Variants in MAP3K5 observed in about 807,000 individuals in gnomAD.
MAP3K5 encodes the protein mitogen-activated protein kinase kinase kinase 5, also known as ASK-1.
MAP3K5 carries 56 observed loss-of-function variants against 158.7 expected under a neutral mutation model. That is an observed-to-expected ratio of 0.35 (90% CI 0.28 to 0.44). The LOEUF (loss-of-function observed/expected upper bound fraction) is 0.44, where lower values mean the gene tolerates loss of function less well. MAP3K5 is among the 20% of genes least tolerant of loss of function. The pLI, the probability that MAP3K5 is intolerant of heterozygous loss-of-function variation, is 1.00. For missense variants in MAP3K5, 1,294 were observed against 1,674.8 expected, an observed-to-expected ratio of 0.77 and a Z score of 3.97; for synonymous variants, 579 against 601.7, an observed-to-expected ratio of 0.96 and a Z score of 0.55.
chr6:136,786,472 C>T (rs185754219), intron 1 of MAP3K5, among the ~76,000 whole-genome samples: 6 of 151,952 alleles, frequency 3.9e-5, no homozygotes, highest in African/African-American at 9.6e-5. Context: ...CATCTCTTAG[C>T]TTTTACGGAA....
At position 136,601,908 on chromosome 6, in the gene MAP3K5, T is replaced by G. The variant is rs1775893659; in HGVS notation, c.2751A>C (p.Lys917Asn). The G allele has an allele frequency of 1.2e-6, 2 of 1,614,206 alleles. No individual in the cohort carries two copies. Among genetic ancestry groups the G allele is most frequent in the Admixed American group, 3.3e-5 (2 of 60,024 alleles). ...MSAEAKAFIL[K>N]CFEPDPDKRA... ...TCTTGTCAGGATCTGGTTCAAAACA[T>G]TTCAGTATGAATGCCTTGGCCTCTG... Residue 917 changes from lysine to asparagine, a missense_variant, in exon 20 of 30, where the codon AAA (lysine) becomes AAC (asparagine). Physicochemically the swap from Lys to Asn is moderately conservative, Grantham distance 94 (BLOSUM62 0). Around this residue, in one of 5 missense-constraint regions of MAP3K5, gnomAD observed 362 missense variants for 463.2 expected, o/e 0.78. Transcript: ENST00000359015.
At chr6:136,767,599 G>GA (rs201136669) in intron 1 of MAP3K5, among the ~76,000 whole-genome samples, 10 of 150,020 alleles carry the variant, frequency 6.7e-5, no homozygotes, top group South Asian at 2.1e-4. Context: ...AAACAAAAAG[G>GA]AAAAAAAAAT....
chr6:136,690,421 T>C (rs1239337937), intron 7 of MAP3K5, among the ~76,000 whole-genome samples: 1 of 152,192 alleles, frequency 6.6e-6, no homozygotes, highest in Admixed American at 6.5e-5. Flanking sequence ...CTTTCCTCAA[T>C]AATGCCAAAA....
At chr6:136,705,322 G>A (rs1781025920) in intron 2 of MAP3K5, among the ~76,000 whole-genome samples, 189 bp from the exon 3 acceptor site, 1 of 151,934 alleles carries the variant, frequency 6.6e-6, no homozygotes, top group South Asian at 2.1e-4. Context: ...TAGAGAAAAG[G>A]TTGCCTCTGT....
chr6:136,726,848 T>C (rs1781990191), intron 1 of MAP3K5, among the ~76,000 whole-genome samples: 1 of 152,230 alleles, frequency 6.6e-6, no homozygotes, highest in African/African-American at 2.4e-5. Flanking sequence ...AACTCAGTTA[T>C]AACTTCTAGA....
intron 1 of MAP3K5, among the ~76,000 whole-genome samples, chr6:136,764,520 G>T (rs1004793133): frequency 9.2e-5 from 14 of 152,142 alleles, no homozygotes; most frequent in Non-Finnish European, 1.8e-4. Context: ...TTCCAGCTTT[G>T]TCAAACCCCC....
intron 10 of MAP3K5, 47 bp downstream of exon 10, chr6:136,656,260 T>C: frequency 6.4e-7 from 1 of 1,563,282 alleles, no homozygotes; most frequent in Non-Finnish European, 8.8e-7. Context: ...GTACAAGATG[T>C]TCTTTAAATA....
chr6:136,705,695 G>T (rs1562630511), intron 2 of MAP3K5, among the ~76,000 whole-genome samples: 1 of 152,142 alleles, frequency 6.6e-6, no homozygotes, highest in Non-Finnish European at 1.5e-5. Flanking sequence ...CAAAAAACCA[G>T]CACTAATATG....
chr6:136,558,083 T>C (rs1444131245), intron 29 of MAP3K5, among the ~76,000 whole-genome samples: 5 of 152,220 alleles, frequency 3.3e-5, no homozygotes, highest in Admixed American at 2.6e-4. Flanking sequence ...GTGGGTATAA[T>C]AGTTTTATGC....
At chr6:136,653,311 A>C (rs1778601615) in intron 10 of MAP3K5, among the ~76,000 whole-genome samples, 1 of 152,240 alleles carries the variant, frequency 6.6e-6, no homozygotes, top group South Asian at 2.1e-4. Flanking sequence ...CCAGAGTCAC[A>C]GTTAATTCTT....
Position 136,609,591 on chromosome 6 carries a change from G to C in MAP3K5, c.2521+1691C>G, listed in dbSNP as rs1776243034. On this transcript the variant is annotated intron_variant, in intron 18 of 29. Coordinates refer to ENST00000359015, the MANE Select transcript of MAP3K5 (RefSeq NM_005923.4). The surrounding 1 kb of genome is among the most constrained non-coding windows in gnomAD (Gnocchi z 4.4). ...GTGGATCACTTGAGGTCAGGAGTTT[G>C]AGACCAGCCTGGGCAACATGGTGAA... is the stretch of plus-strand genomic sequence containing the variant. Among the ~76,000 whole-genome samples, 1 of 152,140 alleles carries C rather than the reference G, an allele frequency of 6.6e-6. No homozygotes were observed. Among genetic ancestry groups the C allele is most frequent in the East Asian group, 1.9e-4 (1 of 5,164 alleles).
chr6:136,617,201 C>A (rs1583280019), intron 15 of MAP3K5, among the ~76,000 whole-genome samples: 1 of 152,116 alleles, frequency 6.6e-6, no homozygotes. Flanking sequence ...GTACTCTTCT[C>A]CAATATAAAA....
At chr6:136,614,459 T>C (rs1450847372) in intron 15 of MAP3K5, among the ~76,000 whole-genome samples, 173 bp from the exon 16 acceptor site, 1 of 152,094 alleles carries the variant, frequency 6.6e-6, no homozygotes, top group Non-Finnish European at 1.5e-5. Flanking sequence ...GAAGGTGTGG[T>C]AGGATCTGAG....
chr6:136,557,953 T>G, intron 29 of MAP3K5, 135 bp from the exon 30 acceptor site: 1 of 643,514 alleles, frequency 1.6e-6, no homozygotes, highest in South Asian at 1.8e-5. Context: ...TTATTATGTA[T>G]TCTTTTTGTA....
chr6:136,562,432 C>A, intron 27 of MAP3K5, 71 bp downstream of exon 27: 1 of 679,094 alleles, frequency 1.5e-6, no homozygotes, highest in South Asian at 2.7e-5. Flanking sequence ...AATAAAACTT[C>A]CTGTTGGCTT....
At chr6:136,667,238 G>T (rs1779267298) in intron 8 of MAP3K5, among the ~76,000 whole-genome samples, 1 of 151,944 alleles carries the variant, frequency 6.6e-6, no homozygotes, top group African/African-American at 2.4e-5. Context: ...TATATCTATT[G>T]CATATCAATA....
intron 13 of MAP3K5, among the ~76,000 whole-genome samples, chr6:136,638,112 A>G (rs1232464028): frequency 6.6e-6 from 1 of 152,110 alleles, no homozygotes; most frequent in Non-Finnish European, 1.5e-5. Context: ...CCATGACAAG[A>G]AAAAAAATTC....
In MAP3K5 at chr6:136,642,582, C is replaced by G. The variant is rs1778034684; in HGVS notation, c.1789-13G>C. On this transcript the variant is annotated splice_polypyrimidine_tract_variant and intron_variant, in intron 11 of 29. Transcript: ENST00000359015. ...CATGTATACCTTTCTAGAACAACAA[C>G]AAGAAAATATACTGAGTCATCCAAA... 1 of 1,575,050 alleles carries G rather than the reference C, an allele frequency of 6.3e-7. No individual in the cohort carries two copies. Among genetic ancestry groups the G allele is most frequent in the Non-Finnish European group, 8.7e-7 (1 of 1,147,042 alleles).
chr6:136,791,818 G>T lies in MAP3K5; in HGVS notation c.340C>A (p.Gln114Lys). 2 of 1,613,808 alleles carry T rather than the reference G, an allele frequency of 1.2e-6. No individual in the cohort carries two copies. Among genetic ancestry groups the T allele is most frequent in the Non-Finnish European group, 1.7e-6 (2 of 1,180,020 alleles). ...QLVVAESEAL[Q>K]SLREACETVG... ...GTCTCGCACGCCTCCCGCAAGCTCT[G>T]CAGGGCCTCGCTCTCGGCCACCACC... is the stretch of plus-strand genomic sequence containing the variant. The change falls in exon 1 of 30, where the codon CAG becomes AAG. Residue 114 changes from glutamine (Q) to lysine (K), a missense_variant. This residue lies in a region of MAP3K5 where 690 missense variants were observed against 870.5 expected (regional missense o/e 0.79). Coordinates refer to ENST00000359015, the MANE Select transcript of MAP3K5 (RefSeq NM_005923.4).
Sources: allele counts gnomAD v4.1 joint callset (sites outside exome capture counted in the v4.1 genomes callset), GRCh38; gene constraint gnomAD v4.1.1; regional missense constraint gnomAD v4.1.1; non-coding constraint Gnocchi (gnomAD v3.1); transcripts MANE v1.5; gene names NCBI Gene and HGNC (gene_info 2026-07-23, HGNC 2026-07-21).